Variants in PFKFB1 observed in about 807,000 individuals in gnomAD.
PFKFB1 encodes the protein 6-phosphofructo-2-kinase/fructose-2,6-bisphosphatase 1.
A neutral mutation model predicts 46.4 loss-of-function variants in PFKFB1; 34 were observed. The ratio of observed to expected loss-of-function variants is 0.73; its 90% CI spans 0.56 to 0.98. PFKFB1 has a LOEUF of 0.98. Ranked by LOEUF, PFKFB1 falls within the 50% of genes least tolerant of loss-of-function variation. The probability of loss-of-function intolerance (pLI) is 0.00; values close to 1 mark genes in which losing one functional copy is unlikely to be tolerated. For missense variants in PFKFB1, 393 were observed against 376.3 expected (o/e 1.04, Z -0.37); for synonymous variants, 119 against 133.8 (o/e 0.89, Z 0.76).
upstream of PFKFB1, among the ~76,000 whole-genome samples, chrX:54,996,232 GTTAATA>G (rs1331299983): frequency 3.6e-5 from 4 of 112,162 alleles, no homozygotes; most frequent in African/African-American, 1.3e-4. Context: ...GTATAAATCT[GTTAATA>G]TTAATAATCT....
At chrX:54,969,992 T>C (rs761540411) in intron 1 of PFKFB1, among the ~76,000 whole-genome samples, 6 of 111,896 alleles carry the variant, frequency 5.4e-5, no homozygotes, top group Non-Finnish European at 7.5e-5. Flanking sequence ...CACTGCAACC[T>C]CTGCTTCCGA....
intron 1 of PFKFB1, among the ~76,000 whole-genome samples, chrX:54,975,598 C>T (rs939552764): frequency 1.8e-5 from 2 of 110,271 alleles, no homozygotes; most frequent in African/African-American, 3.3e-5. Flanking sequence ...ACCCATGTAA[C>T]CAAAAACCAT....
At chrX:54,998,672 C>A (rs1026769891), upstream of PFKFB1, 2 of 383,253 alleles carry the variant, frequency 5.2e-6, no homozygotes, top group South Asian at 1.1e-4. Context: ...TTCACCTTGC[C>A]CCAAAGGTCA....
rs921622751 is a variant in PFKFB1 at position 54,951,598 on chromosome X, G to A, written c.846+307C>T. ...GCTGCACTAGCAAAGGCACAAACTC[G>A]TGAGAAAGATGAGGGAACCAGTCAG... On this transcript the variant is annotated intron_variant, in intron 8 of 13. Coordinates refer to ENST00000375006, the MANE Select transcript of PFKFB1 (RefSeq NM_002625.4). Among the ~76,000 whole-genome samples the A allele has an allele frequency of 4.4e-5, 5 of 112,746 alleles. No homozygotes were observed. The South Asian group carries it at 1.1e-3, about 25-fold the overall frequency.
chrX:54,940,326 T>C (rs1287856525), intron 10 of PFKFB1, among the ~76,000 whole-genome samples: 1 of 111,555 alleles, frequency 9.0e-6, no homozygotes, highest in African/African-American at 3.3e-5. Flanking sequence ...CTTTGAAAAC[T>C]GGCACAAGAC....
intron 11 of PFKFB1, 24 bp downstream of exon 11, chrX:54,937,571 C>A (rs377097842): frequency 8.4e-7 from 1 of 1,191,465 alleles, no homozygotes. Flanking sequence ...TCAAACATTC[C>A]CAAAGCAGAG....
Position 54,993,995 on chromosome X carries a change from T to C in PFKFB1, c.13A>G (p.Met5Val), listed in dbSNP as rs772606041. Residue 5 changes from methionine (M) to valine (V), a missense_variant, in exon 1 of 14, where the codon ATG becomes GTG. Transcript: ENST00000375006. MSPEMGELTQTRLQK... is the reference protein window; with the variant it reads MSPEVGELTQTRLQK... ...AACCTGGTTTGGGTGAGCTCTCCCA[T>C]CTCTGGAGACATCTTAGGAGTCGCA... The C allele has an allele frequency of 1.7e-6, 2 of 1,204,213 alleles. No homozygotes were observed. Among genetic ancestry groups the C allele is most frequent in the East Asian group, 5.9e-5 (2 of 33,695 alleles).
At chrX:54,988,667 G>T (rs749756624) in intron 1 of PFKFB1, among the ~76,000 whole-genome samples, 28 of 111,620 alleles carry the variant, frequency 2.5e-4, no homozygotes, top group Admixed American at 8.5e-4. Flanking sequence ...AGAACTGAGA[G>T]CCCAGAAGTA....
intron 1 of PFKFB1, among the ~76,000 whole-genome samples, chrX:54,981,948 G>A (rs1207911443): frequency 9.0e-6 from 1 of 111,268 alleles, no homozygotes; most frequent in Admixed American, 9.6e-5. Flanking sequence ...TATCTCGTGC[G>A]GAAAGCACTG....
chrX:54,973,504 T>C (rs1934744750), intron 1 of PFKFB1, among the ~76,000 whole-genome samples: 1 of 111,371 alleles, frequency 9.0e-6, no homozygotes, highest in Non-Finnish European at 1.9e-5. Flanking sequence ...CTCTACACAC[T>C]GCTTTGAATG....
intron 1 of PFKFB1, among the ~76,000 whole-genome samples, chrX:54,979,250 T>C (rs1452103244): frequency 9.0e-6 from 1 of 111,702 alleles, no homozygotes; most frequent in Non-Finnish European, 1.9e-5. Flanking sequence ...TCCTGAATGC[T>C]TTCCCTTCCT....
intron 1 of PFKFB1, among the ~76,000 whole-genome samples, chrX:54,991,323 A>G (rs988478990): frequency 8.9e-6 from 1 of 111,843 alleles, no homozygotes; most frequent in Non-Finnish European, 1.9e-5. Flanking sequence ...AATAAGCCAA[A>G]AAAATCTTAC....
intron 7 of PFKFB1, among the ~76,000 whole-genome samples, chrX:54,954,781 G>A (rs948392288): frequency 8.9e-6 from 1 of 112,026 alleles, no homozygotes. Flanking sequence ...TTCCTCTTTT[G>A]ATTCCACGTT....
At chrX:54,970,604 G>C (rs1415854738) in intron 1 of PFKFB1, among the ~76,000 whole-genome samples, 1 of 60,548 alleles carries the variant, frequency 1.7e-5, no homozygotes, top group East Asian at 7.2e-4. Flanking sequence ...TTTTGTTCTT[G>C]AGATAGTTTA....
chrX:54,946,306 A>C (rs1958645927), intron 9 of PFKFB1, among the ~76,000 whole-genome samples: 1 of 111,695 alleles, frequency 9.0e-6, no homozygotes, highest in African/African-American at 3.3e-5. Context: ...TCACTCAAAA[A>C]AGGAATTGAG....
intron 1 of PFKFB1, 137 bp from the exon 2 acceptor site, chrX:54,963,519 G>C: frequency 1.6e-6 from 1 of 626,368 alleles, no homozygotes; most frequent in Non-Finnish European, 2.4e-6. Context: ...TGAAAATTAA[G>C]AACTTCTCTC....
chrX:54,969,931 C>A (rs1934595523), intron 1 of PFKFB1, among the ~76,000 whole-genome samples: 1 of 111,966 alleles, frequency 8.9e-6, no homozygotes, highest in Non-Finnish European at 1.9e-5. Flanking sequence ...TTTTTTGAGA[C>A]ACAGTCTTGC....
intron 2 of PFKFB1, among the ~76,000 whole-genome samples, chrX:54,962,504 T>C (rs1014276772): frequency 1.8e-5 from 2 of 111,942 alleles, no homozygotes; most frequent in Non-Finnish European, 3.8e-5. Context: ...TAGCAGGAGT[T>C]TGGGCACATG....
rs188598993 is a variant in PFKFB1 at position 54,975,602 on chromosome X, A to C, written c.98-12220T>G. 4.7e-4 allele frequency among the ~76,000 whole-genome samples: 52 copies of C among 111,228 alleles called. No individual in the cohort carries two copies. The East Asian group carries it at 0.013, about 27-fold the overall frequency. ...CTAAACAACTTACCCATGTAACCAAAAACCATCTGTACCCTAAAAACTATT... is the reference window on the plus strand; with the variant it reads ...CTAAACAACTTACCCATGTAACCAACAACCATCTGTACCCTAAAAACTATT... On this transcript the variant is annotated intron_variant, in intron 1 of 13. Transcript: ENST00000375006.
Sources: allele counts gnomAD v4.1 joint callset (sites outside exome capture counted in the v4.1 genomes callset), GRCh38; gene constraint gnomAD v4.1.1; transcripts MANE v1.5; gene names NCBI Gene and HGNC (gene_info 2026-07-23, HGNC 2026-07-21).